Variants in FBXL7 observed in about 807,000 individuals in gnomAD.
FBXL7 encodes the protein F-box/LRR-repeat protein 7.
In FBXL7, 12 loss-of-function variants were observed where a neutral mutation model predicts 38.3. The observed-to-expected ratio is 0.31, with a 90% CI of 0.20 to 0.51. The LOEUF is 0.51. Among genes scored for constraint, FBXL7 ranks in the 20% least tolerant of loss-of-function variants. FBXL7 has a pLI of 0.98. For missense variants in FBXL7, 567 were observed against 676.4 expected, an observed-to-expected ratio of 0.84 and a Z score of 1.79; for synonymous variants, 297 against 300.9, an observed-to-expected ratio of 0.99 and a Z score of 0.13.
At chr5:15,648,651 TACC>T in intron 2 of FBXL7, among the ~76,000 whole-genome samples, 1 of 152,212 alleles carries the variant, frequency 6.6e-6, no homozygotes, top group East Asian at 1.9e-4. Context: ...AAGTCTCTGT[TACC>T]AGCTTCCCAT....
chr5:15,526,209 G>A (rs1737247319), intron 1 of FBXL7, among the ~76,000 whole-genome samples: 1 of 152,152 alleles, frequency 6.6e-6, no homozygotes, highest in Non-Finnish European at 1.5e-5. Flanking sequence ...GGGACGCAAT[G>A]TGTGATGCAG....
intron 1 of FBXL7, among the ~76,000 whole-genome samples, chr5:15,510,116 C>G (rs1320651357): frequency 1.3e-5 from 2 of 152,148 alleles, no homozygotes; most frequent in Non-Finnish European, 2.9e-5. Flanking sequence ...ATTCTTAAAC[C>G]AGTAACAAAA....
rs1463740517 is a variant in FBXL7 at position 15,550,073 on chromosome 5, A to C, written c.37+49360A>C. 3.3e-5 allele frequency among the ~76,000 whole-genome samples: 5 copies of C among 152,348 alleles called. No individual in the cohort carries two copies. In the South Asian group the frequency reaches 8.3e-4, roughly 25 times the overall value. ...TATGTTGCTGAAGACCTCTTGTGCT[A>C]GAGAATATTGGCTAACTATGTTGAA... is the stretch of plus-strand genomic sequence containing the variant. On this transcript the variant is annotated intron_variant, in intron 1 of 3. Transcript: ENST00000504595.
chr5:15,705,913 T>C (rs1743667711), intron 2 of FBXL7, among the ~76,000 whole-genome samples: 2 of 152,032 alleles, frequency 1.3e-5, no homozygotes, highest in South Asian at 4.1e-4. Context: ...AAATGGAACA[T>C]TGAAATAAAG....
rs1406809368 is a variant in FBXL7, at chr5:15,888,976, G to C, written c.128-38914G>C. 2.0e-5 allele frequency among the ~76,000 whole-genome samples: 3 copies of C among 152,168 alleles called. No individual in the cohort carries two copies. In the East Asian group the frequency reaches 5.8e-4, roughly 29 times the overall value. On this transcript the variant is annotated intron_variant, in intron 2 of 3. Coordinates refer to ENST00000504595, the MANE Select transcript of FBXL7 (RefSeq NM_012304.5). Reference sequence around the variant, plus strand: ...AGCTGTATTATCCTTGGCACTGCCAGTACTGCGGTTCCCCTAAGAGTTTGC... The same window carrying C: ...AGCTGTATTATCCTTGGCACTGCCACTACTGCGGTTCCCCTAAGAGTTTGC...
intron 2 of FBXL7, among the ~76,000 whole-genome samples, chr5:15,681,541 TATATAAACCTGTTA>T (rs1276429272): frequency 1.3e-5 from 2 of 152,348 alleles, no homozygotes; most frequent in East Asian, 3.9e-4. Flanking sequence ...TAGAATGGTT[TATATAAACCTGTTA>T]GTAGTATTTA....
At chr5:15,926,778 G>A (rs1330820885) in intron 2 of FBXL7, among the ~76,000 whole-genome samples, 1 of 152,100 alleles carries the variant, frequency 6.6e-6, no homozygotes, top group East Asian at 1.9e-4. Flanking sequence ...TGGAAATGCT[G>A]TGTGTAATGC....
At chr5:15,592,230 A>G (rs1256878925) in intron 1 of FBXL7, among the ~76,000 whole-genome samples, 1 of 152,120 alleles carries the variant, frequency 6.6e-6, no homozygotes, top group Non-Finnish European at 1.5e-5. Context: ...CTATCTGTCC[A>G]TCCTCTGCCC....
chr5:15,928,267 G>A lies in FBXL7; in HGVS notation c.505G>A (p.Ala169Thr), dbSNP rs766043354. ...LTGETINVDR[A>T]LKVLTRRLCQ... ...GGGCGAGACCATCAACGTGGACCGCGCCCTCAAGGTGCTGACCCGCAGACT... is the reference window on the plus strand; with the variant it reads ...GGGCGAGACCATCAACGTGGACCGCACCCTCAAGGTGCTGACCCGCAGACT... Residue 169 changes from alanine (A) to threonine (T), a missense_variant, in exon 3 of 4, where the codon GCC becomes ACC. Transcript: ENST00000504595. The surrounding 1 kb of genome is among the most constrained non-coding windows in gnomAD (Gnocchi z 4.0). 8 of 1,612,270 alleles carry A rather than the reference G, an allele frequency of 5.0e-6. No individual in the cohort carries two copies. In the East Asian group the frequency reaches 6.7e-5, roughly 13 times the overall value.
chr5:15,629,776 T>C (rs1740939514), intron 2 of FBXL7, among the ~76,000 whole-genome samples: 1 of 152,206 alleles, frequency 6.6e-6, no homozygotes. Flanking sequence ...TAAACGTTTA[T>C]TGAATGGATG....
chr5:15,540,977 T>TA (rs1421969351), intron 1 of FBXL7, among the ~76,000 whole-genome samples: 1 of 152,152 alleles, frequency 6.6e-6, no homozygotes, highest in African/African-American at 2.4e-5. Flanking sequence ...CTAGGTTTAT[T>TA]ATGTTTTAAG....
At chr5:15,855,194 G>A (rs2126799453) in intron 2 of FBXL7, among the ~76,000 whole-genome samples, 1 of 152,072 alleles carries the variant, frequency 6.6e-6, no homozygotes, top group East Asian at 1.9e-4. Context: ...CATATTTTAG[G>A]TATAAACAAA....
At chr5:15,905,991 T>G (rs1741349197) in intron 2 of FBXL7, among the ~76,000 whole-genome samples, 1 of 151,506 alleles carries the variant, frequency 6.6e-6, no homozygotes, top group East Asian at 2.0e-4. Context: ...GTATATAAAA[T>G]ATCAACGTAA....
At chr5:15,681,550 CTG>C (rs1742846002) in intron 2 of FBXL7, among the ~76,000 whole-genome samples, 1 of 152,100 alleles carries the variant, frequency 6.6e-6, no homozygotes, top group African/African-American at 2.4e-5. Flanking sequence ...TTATATAAAC[CTG>C]TTAGTAGTAT....
At chr5:15,692,440 C>A (rs569994478) in intron 2 of FBXL7, among the ~76,000 whole-genome samples, 10 of 152,316 alleles carry the variant, frequency 6.6e-5, no homozygotes, top group Admixed American at 5.9e-4. Context: ...TTCTGTATCT[C>A]CCTCTGTTGT....
intron 2 of FBXL7, among the ~76,000 whole-genome samples, chr5:15,773,220 T>G (rs2126712810): frequency 6.6e-6 from 1 of 152,352 alleles, no homozygotes; most frequent in Middle Eastern, 3.4e-3. Flanking sequence ...TTTCAAGGTC[T>G]ACTGTGCCTG....
At chr5:15,745,800 A>C (rs1458080277) in intron 2 of FBXL7, among the ~76,000 whole-genome samples, 1 of 151,986 alleles carries the variant, frequency 6.6e-6, no homozygotes, top group Non-Finnish European at 1.5e-5. Context: ...TCACAGTAGC[A>C]CTCCATCTCT....
chr5:15,519,454 AAAC>A (rs1388637524), intron 1 of FBXL7, among the ~76,000 whole-genome samples: 113 of 144,530 alleles, frequency 7.8e-4, no homozygotes, highest in African/African-American at 2.8e-3. Flanking sequence ...CAAAAAAAAA[AAAC>A]AAACAAACAA....
intron 1 of FBXL7, among the ~76,000 whole-genome samples, chr5:15,511,851 T>C (rs2126357542): frequency 6.6e-6 from 1 of 152,334 alleles, no homozygotes; most frequent in African/African-American, 2.4e-5. Flanking sequence ...TTATTGGTCA[T>C]CTCAAAACAC....
Sources: allele counts gnomAD v4.1 joint callset (sites outside exome capture counted in the v4.1 genomes callset), GRCh38; gene constraint gnomAD v4.1.1; non-coding constraint Gnocchi (gnomAD v3.1); transcripts MANE v1.5; gene names NCBI Gene and HGNC (gene_info 2026-07-23, HGNC 2026-07-21).